Variants in SH3PXD2A observed in about 807,000 individuals in gnomAD.
SH3PXD2A encodes the protein SH3 and PX domains 2A.
SH3PXD2A carries 32 observed loss-of-function variants against 115.2 expected under a neutral mutation model. That is an observed-to-expected ratio of 0.28 (90% CI 0.21 to 0.37). The LOEUF is 0.37. SH3PXD2A is among the 10% of genes least tolerant of loss of function. SH3PXD2A has a pLI of 1.00. For synonymous variants in SH3PXD2A, 610 were observed against 629.1 expected (o/e 0.97, Z 0.45); for missense variants, 1,328 against 1,498.7 (o/e 0.89, Z 1.88).
chr10:103,742,325 CT>C (rs2038452964), intron 3 of SH3PXD2A, among the ~76,000 whole-genome samples: 5 of 152,204 alleles, frequency 3.3e-5, no homozygotes, highest in Admixed American at 3.3e-4. Flanking sequence ...ACTCCGATCT[CT>C]GTCTCAGTCT....
At chr10:103,654,687 G>T (rs1342558057) in intron 8 of SH3PXD2A, among the ~76,000 whole-genome samples, 1 of 152,126 alleles carries the variant, frequency 6.6e-6, no homozygotes, top group Non-Finnish European at 1.5e-5. Context: ...AAAGTTTTGG[G>T]ATTACAGGCA....
At chr10:103,735,703 CCCT>C in intron 4 of SH3PXD2A, 26 bp downstream of exon 4, 1 of 1,475,946 alleles carries the variant, frequency 6.8e-7, no homozygotes, top group Non-Finnish European at 9.5e-7. Context: ...CTCCCCGAGC[CCCT>C]CCCCCAGCCC....
intron 1 of SH3PXD2A, among the ~76,000 whole-genome samples, chr10:103,814,019 CAA>C (rs1252173616): frequency 1.6e-5 from 2 of 123,520 alleles, no homozygotes; most frequent in African/African-American, 6.0e-5. Context: ...AAAAAAACAA[CAA>C]AAAAAAAACC....
intron 1 of SH3PXD2A, among the ~76,000 whole-genome samples, chr10:103,823,236 G>A (rs1469114842): frequency 1.3e-5 from 2 of 152,226 alleles, no homozygotes; most frequent in Non-Finnish European, 1.5e-5. Context: ...CTGACAGGGA[G>A]AGAGGATGTG....
chr10:103,646,098 T>C (rs1220233202), intron 8 of SH3PXD2A, among the ~76,000 whole-genome samples: 1 of 152,172 alleles, frequency 6.6e-6, no homozygotes, highest in African/African-American at 2.4e-5. Flanking sequence ...TTTCTTGTCT[T>C]TCCCATCAGT....
intron 6 of SH3PXD2A, among the ~76,000 whole-genome samples, chr10:103,685,932 T>C (rs2037671937): frequency 6.6e-6 from 1 of 152,172 alleles, no homozygotes; most frequent in Non-Finnish European, 1.5e-5. Flanking sequence ...CTCCCCTTCT[T>C]TCTTAATCTA....
At chr10:103,715,807 C>G (rs1375687347) in intron 5 of SH3PXD2A, among the ~76,000 whole-genome samples, 1 of 152,180 alleles carries the variant, frequency 6.6e-6, no homozygotes, top group African/African-American at 2.4e-5. Context: ...GAGGAGACAC[C>G]CCACATTCTC....
intron 3 of SH3PXD2A, among the ~76,000 whole-genome samples, chr10:103,760,061 G>A (rs2038683471): frequency 6.6e-6 from 1 of 152,236 alleles, no homozygotes; most frequent in Non-Finnish European, 1.5e-5. Context: ...GTAGTGCCTT[G>A]CTCTGGGGCA....
intron 1 of SH3PXD2A, among the ~76,000 whole-genome samples, chr10:103,807,126 C>T (rs764112647): frequency 2.0e-5 from 3 of 152,160 alleles, no homozygotes; most frequent in Non-Finnish European, 2.9e-5. Flanking sequence ...AGACTTACAG[C>T]GCAGCTCCAG....
At position 103,784,063 on chromosome 10, in the gene SH3PXD2A, T is replaced by C. The variant is rs2038957853; in HGVS notation, c.154-16894A>G. 6.6e-6 allele frequency among the ~76,000 whole-genome samples: 1 copy of C among 152,198 alleles called. No individual in the cohort carries two copies. The highest frequency in any genetic ancestry group is 6.5e-5 in the Admixed American group (1 of 15,282). On this transcript the variant is annotated intron_variant, in intron 2 of 14. Coordinates refer to ENST00000369774, the MANE Select transcript of SH3PXD2A (RefSeq NM_001394015.1). The surrounding 1 kb of genome is among the most constrained non-coding windows in gnomAD (Gnocchi z 4.4). ...CCCAGCTGCAGGCTACTTCTCCAGG[T>C]GGCAGCCCAGCTGCTGACCCAGGTG...
intron 8 of SH3PXD2A, among the ~76,000 whole-genome samples, chr10:103,658,643 G>A (rs1206898279): frequency 6.6e-6 from 1 of 152,192 alleles, no homozygotes; most frequent in Non-Finnish European, 1.5e-5. Flanking sequence ...GAATAGGTAG[G>A]CACAGCACTG....
At chr10:103,625,971 G>C (rs1048216881) in intron 9 of SH3PXD2A, among the ~76,000 whole-genome samples, 1 of 152,206 alleles carries the variant, frequency 6.6e-6, no homozygotes, top group Non-Finnish European at 1.5e-5. Context: ...ACCTAGCTCA[G>C]GGGCCAAGAC....
chr10:103,701,767 C>A (rs2037912578), intron 5 of SH3PXD2A, among the ~76,000 whole-genome samples: 1 of 145,278 alleles, frequency 6.9e-6, no homozygotes, highest in Admixed American at 6.9e-5. Flanking sequence ...ATCCATCCAG[C>A]CATCCATCCA....
At chr10:103,735,701 G>GCCCCAC in intron 4 of SH3PXD2A, 31 bp downstream of exon 4, 2 of 1,278,288 alleles carry the variant, frequency 1.6e-6, no homozygotes, top group Non-Finnish European at 1.1e-6. Context: ...CCCTCCCCGA[G>GCCCCAC]CCCCTCCCCC....
rs2036709804 is a variant in SH3PXD2A at position 103,627,095 on chromosome 10, C to G, written c.712G>C (p.Gly238Arg). The G allele has an allele frequency of 1.3e-6, 2 of 1,595,524 alleles. No individual in the cohort carries two copies. The highest frequency in any genetic ancestry group is 1.7e-6 in the Non-Finnish European group (2 of 1,163,128). ...TGGACCTGCAAGCCCTCACCTTCTC[C>G]AGTCTTAGAGGTGTTGATGTCGGAG... is the stretch of plus-strand genomic sequence containing the variant. ...DDSDINTSKT[G>R]EVSKRRKAHL... Residue 238 changes from glycine (G) to arginine (R), a missense_variant, in exon 9 of 15, where the codon GGA becomes CGA. Physicochemically the swap from Gly to Arg is moderately radical, Grantham distance 125 (BLOSUM62 -2). Around this residue, in one of 5 missense-constraint regions of SH3PXD2A, gnomAD observed 509 missense variants for 628.3 expected, o/e 0.81. Coordinates refer to ENST00000369774, the MANE Select transcript of SH3PXD2A (RefSeq NM_001394015.1). This position sits in a 1 kb window ranked among gnomAD's most constrained non-coding sequence, Gnocchi z 4.4.
In SH3PXD2A at chr10:103,756,323, G is replaced by A. The variant is rs2038640363; in HGVS notation, c.229+10771C>T. 6.6e-6 allele frequency among the ~76,000 whole-genome samples: 1 copy of A among 152,310 alleles called. No individual in the cohort carries two copies. On this transcript the variant is annotated intron_variant, in intron 3 of 14. Transcript: ENST00000369774. The surrounding 1 kb of genome is among the most constrained non-coding windows in gnomAD (Gnocchi z 4.4). ...GCCTGGGTCCAGTTGGAGTGACCCA[G>A]GAGGGCAGTGTGCGGGATTAGGCCA...
Position 103,612,884 on chromosome 10 carries a change from C to G in SH3PXD2A, c.1227G>C (p.Val409=). 1 of 1,587,790 alleles carries G rather than the reference C, an allele frequency of 6.3e-7. No individual in the cohort carries two copies. The highest frequency in any genetic ancestry group is 1.2e-5 in the South Asian group (1 of 86,004). ...VSRLAQGSPA[V]ARIAPQRAQI... ...GGGCCCGCTGAGGGGCAATCCTGGCCACAGCTGGAGAGCCCTGGGCCAGCC... is the reference window on the plus strand; with the variant it reads ...GGGCCCGCTGAGGGGCAATCCTGGCGACAGCTGGAGAGCCCTGGGCCAGCC... Residue 409 remains valine (V), a synonymous_variant, in exon 12 of 15, where the codon GTG becomes GTC. Coordinates refer to ENST00000369774, the MANE Select transcript of SH3PXD2A (RefSeq NM_001394015.1).
At chr10:103,697,030 G>A (rs1370268921) in intron 5 of SH3PXD2A, among the ~76,000 whole-genome samples, 1 of 152,108 alleles carries the variant, frequency 6.6e-6, no homozygotes, top group African/African-American at 2.4e-5. Context: ...CCATCCCCGG[G>A]TGATACGGTT....
intron 2 of SH3PXD2A, among the ~76,000 whole-genome samples, chr10:103,768,916 C>T (rs1046566957): frequency 4.6e-5 from 7 of 151,912 alleles, no homozygotes; most frequent in African/African-American, 1.7e-4. Flanking sequence ...GATCACAGGG[C>T]GAGACAGGAA....
Sources: gnomAD v4.1 joint callset for allele counts (sites outside exome capture counted in the v4.1 genomes callset) on GRCh38, gnomAD v4.1.1 for gene constraint, gnomAD v4.1.1 regional missense constraint, Gnocchi (gnomAD v3.1) non-coding constraint, MANE v1.5 for transcripts, NCBI Gene and HGNC (gene_info 2026-07-23, HGNC 2026-07-21) for gene names.